Variants in HAUS7 observed in about 807,000 individuals in gnomAD.
HAUS7 encodes HAUS augmin like complex subunit 7.
Under a neutral mutation model 28.4 loss-of-function variants are expected in HAUS7, and 3 were observed. That is an observed-to-expected ratio of 0.11 (90% CI 0.05 to 0.27). The LOEUF (loss-of-function observed/expected upper bound fraction) is 0.27, where lower values mean the gene tolerates loss of function less well. Among genes scored for constraint, HAUS7 ranks in the 10% least tolerant of loss-of-function variants. The probability of loss-of-function intolerance (pLI) is 1.00; values close to 1 mark genes in which losing one functional copy is unlikely to be tolerated. For synonymous variants in HAUS7, 165 were observed against 132.1 expected (o/e 1.25, Z -1.71); for missense variants, 284 against 297.3 (o/e 0.96, Z 0.33).
chrX:153,455,603 T>C lies in HAUS7; in HGVS notation c.869A>G (p.Asp290Gly). 8.3e-7 allele frequency: 1 copy of C among 1,209,588 alleles called. No individual in the cohort carries two copies. Among genetic ancestry groups the C allele is most frequent in the Non-Finnish European group, 1.1e-6 (1 of 893,778 alleles). ...LGECCQRPGP[D>G]LHPCGPIIQA... Reference sequence around the variant, plus strand: ...GATGATGGGGCCGCACGGGTGGAGGTCAGGGCCTGGGCGCTGGCAGCACTC... The same window carrying C: ...GATGATGGGGCCGCACGGGTGGAGGCCAGGGCCTGGGCGCTGGCAGCACTC... The change falls in exon 8 of 10, where the codon GAC becomes GGC. Residue 290 changes from aspartate to glycine, a missense_variant. Transcript: ENST00000370211.
At chrX:153,470,412 G>C (rs2089506491) in intron 1 of HAUS7, 38 bp downstream of exon 1, 4 of 1,194,952 alleles carry the variant, frequency 3.3e-6, no homozygotes, top group Non-Finnish European at 4.5e-6. Flanking sequence ...GCCCTCCCCG[G>C]TCCCCCGCCC....
chrX:153,475,777 C>T (rs1429229499), intron 1 of HAUS7, among the ~76,000 whole-genome samples: 1 of 111,044 alleles, frequency 9.0e-6, no homozygotes, highest in Non-Finnish European at 1.9e-5. Context: ...CTCTGGCTGC[C>T]CTGGGCCCTG....
At chrX:153,474,368 C>CCGCAG (rs1331644023), upstream of HAUS7, among the ~76,000 whole-genome samples, 3 of 112,032 alleles carry the variant, frequency 2.7e-5, no homozygotes, top group African/African-American at 9.7e-5. Flanking sequence ...AGAGCACATT[C>CCGCAG]CGCAGCGCAG....
rs1054969429 is a variant in HAUS7 at position 153,452,142 on chromosome X, A to C, written c.1045+2252T>G. On this transcript the variant is annotated intron_variant, in intron 9 of 9. Transcript: ENST00000370211. ...CAGAGGACACTGAAATGACACATTC[A>C]AAGTACAAAAGAATTCTATATTCAG... is the stretch of plus-strand genomic sequence containing the variant. Among the ~76,000 whole-genome samples the C allele has an allele frequency of 3.6e-5, 4 of 112,366 alleles. No homozygotes were observed. In the Admixed American group the frequency reaches 3.8e-4, roughly 11 times the overall value.
chrX:153,475,827 CA>C (rs2089559214), intron 1 of HAUS7, among the ~76,000 whole-genome samples: 1 of 1,018 alleles, frequency 9.8e-4, no homozygotes, highest in Non-Finnish European at 0.014. Context: ...CTGCAGAGAG[CA>C]GGAGAGCAGG....
intron 1 of HAUS7, among the ~76,000 whole-genome samples, chrX:153,476,774 C>G (rs1439752693): frequency 5.4e-5 from 6 of 111,693 alleles, no homozygotes; most frequent in Admixed American, 1.9e-4. Flanking sequence ...GGCTGCATCC[C>G]TGGTTCCTGG....
At chrX:153,483,349 C>T (rs1046086414) in intron 1 of HAUS7, 8 of 754,170 alleles carry the variant, frequency 1.1e-5, no homozygotes, top group Admixed American at 8.6e-5. Context: ...TGGCGGAGGG[C>T]GCACTGAGCC....
At chrX:153,458,833 C>A (rs1556982817) in intron 4 of HAUS7, among the ~76,000 whole-genome samples, 1 of 112,009 alleles carries the variant, frequency 8.9e-6, no homozygotes, top group East Asian at 2.8e-4. Flanking sequence ...TCATAGCTCA[C>A]TGAAGCCTTG....
intron 1 of HAUS7, chrX:153,482,931 C>G: frequency 6.2e-6 from 1 of 161,111 alleles, no homozygotes; most frequent in Non-Finnish European, 1.0e-5. Flanking sequence ...AACCCTGCCT[C>G]TGCTTCTGCT....
At chrX:153,469,049 G>A in intron 2 of HAUS7, 97 bp downstream of exon 2, 1 of 525,872 alleles carries the variant, frequency 1.9e-6, no homozygotes. Flanking sequence ...TGGGAAGACA[G>A]CTACTCACAG....
intron 4 of HAUS7, among the ~76,000 whole-genome samples, chrX:153,461,056 C>T (rs904172580): frequency 2.7e-5 from 3 of 112,005 alleles, no homozygotes; most frequent in African/African-American, 6.5e-5. Context: ...AGGGGGGACC[C>T]GAAGAGCCAT....
intron 1 of HAUS7, among the ~76,000 whole-genome samples, chrX:153,485,050 G>A (rs1423769644): frequency 1.8e-5 from 2 of 112,701 alleles, no homozygotes; most frequent in African/African-American, 6.4e-5. Context: ...ATGGCCACAG[G>A]GACCAGGGCT....
upstream of HAUS7, among the ~76,000 whole-genome samples, chrX:153,475,488 T>G (rs1158337183): frequency 3.6e-5 from 4 of 111,833 alleles, no homozygotes; most frequent in Non-Finnish European, 7.5e-5. Flanking sequence ...TGGGACCAGA[T>G]CCTCTGAGGT....
intron 1 of HAUS7, among the ~76,000 whole-genome samples, chrX:153,493,373 T>A (rs1019920281): frequency 1.2e-4 from 14 of 112,178 alleles, no homozygotes; most frequent in African/African-American, 4.5e-4. Context: ...TCCCGCTCTC[T>A]ACCGACATAT....
chrX:153,471,428 T>C (rs782749099), upstream of HAUS7, among the ~76,000 whole-genome samples: 2 of 112,578 alleles, frequency 1.8e-5, no homozygotes, highest in African/African-American at 6.5e-5. Flanking sequence ...CTATCCTGTC[T>C]ACTTAACAAA....
Position 153,447,750 on chromosome X carries a change from A to T in HAUS7, c.*128T>A. On this transcript the variant is annotated 3_prime_UTR_variant, in exon 10 of 10. Transcript: ENST00000370211. ...CCAAAGGGGCCAAAGGTCCCTGCCT[A>T]GAGCACAACGTGGGGCTGCAACGGC... 1 of 606,817 alleles carries T rather than the reference A, an allele frequency of 1.6e-6. No homozygotes were observed. The highest frequency in any genetic ancestry group is 2.9e-6 in the Non-Finnish European group (1 of 341,650). The allele number at this position is 606,817 out of a possible 1,213,427, so 50.0% of individuals were successfully genotyped here.
chrX:153,459,033 C>T (rs920850052), intron 4 of HAUS7, among the ~76,000 whole-genome samples: 9 of 112,419 alleles, frequency 8.0e-5, no homozygotes, highest in African/African-American at 2.9e-4. Context: ...GCTGGGATTA[C>T]AGGCATGAGC....
intron 1 of HAUS7, among the ~76,000 whole-genome samples, chrX:153,493,682 A>G (rs1485682991): frequency 9.0e-6 from 1 of 111,436 alleles, no homozygotes; most frequent in Non-Finnish European, 1.9e-5. Flanking sequence ...TCAAGGTGCC[A>G]TGCGTCCCAG....
intron 1 of HAUS7, chrX:153,481,710 G>A (rs1177415818): frequency 1.3e-6 from 1 of 741,443 alleles, no homozygotes; most frequent in African/African-American, 2.3e-5. Context: ...TGAGACCTGG[G>A]CTCCCACCCT....
Sources: allele counts gnomAD v4.1 joint callset (sites outside exome capture counted in the v4.1 genomes callset), GRCh38; gene constraint gnomAD v4.1.1; transcripts MANE v1.5; gene names NCBI Gene and HGNC (gene_info 2026-07-23, HGNC 2026-07-21).